The following MPPED1 variants were observed in gnomAD, a reference collection of about 807,000 sequenced individuals.
MPPED1 encodes metallophosphoesterase domain-containing protein 1.
Under a neutral mutation model 36.2 loss-of-function variants are expected in MPPED1, and 16 were observed. The ratio of observed to expected loss-of-function variants is 0.44; its 90% confidence interval spans 0.30 to 0.67. The LOEUF (loss-of-function observed/expected upper bound fraction) is 0.67. Among genes scored for constraint, MPPED1 ranks in the 30% least tolerant of loss-of-function variants. The pLI, the probability that MPPED1 is intolerant of heterozygous loss-of-function variation, is 0.10. For synonymous variants in MPPED1, 199 were observed against 191.3 expected (o/e 1.04, Z -0.33); for missense variants, 307 against 453.4 (o/e 0.68, Z 2.93).
chr22:43,447,859 T>TTATATATATATATATATATATATA (rs1238294657), intron 3 of MPPED1, among the ~76,000 whole-genome samples: 13 of 62,504 alleles, frequency 2.1e-4, no homozygotes, highest in Non-Finnish European at 2.2e-4. Flanking sequence ...TATGTAAATA[T>TTATATATATATATATATATATATA]TATATATATA....
intron 3 of MPPED1, among the ~76,000 whole-genome samples, chr22:43,469,912 A>G (rs1216243052): frequency 1.3e-5 from 2 of 152,118 alleles, no homozygotes; most frequent in Non-Finnish European, 2.9e-5. Context: ...CCGTCCATCC[A>G]TCTATATATG....
At chr22:43,431,744 T>TGGAG (rs2146827959) in intron 2 of MPPED1, among the ~76,000 whole-genome samples, 1 of 152,356 alleles carries the variant, frequency 6.6e-6, no homozygotes, top group South Asian at 2.1e-4. Flanking sequence ...GCCCAGCACA[T>TGGAG]AATGAGCTCT....
intron 6 of MPPED1, among the ~76,000 whole-genome samples, chr22:43,504,125 A>G (rs1276107717): frequency 2.7e-5 from 4 of 146,024 alleles, no homozygotes; most frequent in Non-Finnish European, 6.1e-5. Flanking sequence ...GGTAGTGATG[A>G]TGGTGATAGT....
At chr22:43,488,355 C>G (rs1411393105) in intron 4 of MPPED1, among the ~76,000 whole-genome samples, 1 of 152,200 alleles carries the variant, frequency 6.6e-6, no homozygotes, top group Non-Finnish European at 1.5e-5. Flanking sequence ...CAGCTGTGTA[C>G]CCTACCTGGG....
chr22:43,436,242 C>T (rs1929954598), intron 3 of MPPED1, among the ~76,000 whole-genome samples: 1 of 152,250 alleles, frequency 6.6e-6, no homozygotes, highest in South Asian at 2.1e-4. Context: ...CCTGTGCAGC[C>T]CAGCACCCAG....
At chr22:43,453,326 C>CA (rs913939457) in intron 3 of MPPED1, among the ~76,000 whole-genome samples, 63 of 133,944 alleles carry the variant, frequency 4.7e-4, no homozygotes, top group African/African-American at 1.5e-3. Context: ...CCCGCACCAC[C>CA]CCCCCTGCCC....
chr22:43,469,488 T>C (rs1189503272), intron 3 of MPPED1, among the ~76,000 whole-genome samples: 1 of 152,262 alleles, frequency 6.6e-6, no homozygotes, highest in Non-Finnish European at 1.5e-5. Context: ...TGCAGGGCGA[T>C]GGGAACACTG....
intron 2 of MPPED1, among the ~76,000 whole-genome samples, chr22:43,427,865 C>A (rs554515039): frequency 2.0e-5 from 3 of 152,132 alleles, no homozygotes; most frequent in Non-Finnish European, 4.4e-5. Flanking sequence ...GTCCTCACCC[C>A]CCGTGACACT....
intron 1 of MPPED1, chr22:43,418,034 G>A: frequency 2.2e-6 from 1 of 456,178 alleles, no homozygotes. Flanking sequence ...TGTCATCCGA[G>A]TTTTGGACCC....
intron 3 of MPPED1, among the ~76,000 whole-genome samples, chr22:43,453,038 C>T (rs1465018944): frequency 1.3e-5 from 2 of 151,568 alleles, no homozygotes; most frequent in East Asian, 1.9e-4. Context: ...CAAGCTCCGC[C>T]TCCTGGGTTC....
At chr22:43,431,068 G>T (rs1929668469) in intron 2 of MPPED1, among the ~76,000 whole-genome samples, 1 of 101,632 alleles carries the variant, frequency 9.8e-6, no homozygotes, top group Non-Finnish European at 1.8e-5. Context: ...TTTAGACAGA[G>T]TCTCACTCTG....
chr22:43,485,456 G>A (rs28547081), intron 4 of MPPED1, among the ~76,000 whole-genome samples: 75,632 of 151,538 alleles, frequency 0.5, 19,022 homozygotes, highest in Admixed American at 0.54. Context: ...ACAGTCACAA[G>A]TACACACATA....
chr22:43,499,654 T>G (rs1932572268), intron 5 of MPPED1, among the ~76,000 whole-genome samples: 1 of 89,150 alleles, frequency 1.1e-5, no homozygotes, highest in Non-Finnish European at 2.1e-5. Context: ...GTGGTGGTGA[T>G]GGGGGTGGCG....
intron 4 of MPPED1, among the ~76,000 whole-genome samples, chr22:43,476,014 G>A (rs1931565194): frequency 6.6e-6 from 1 of 151,910 alleles, no homozygotes; most frequent in Non-Finnish European, 1.5e-5. Context: ...TGGTGGTGGT[G>A]GTGGTGTGAT....
At chr22:43,493,705 A>G (rs970367949) in intron 4 of MPPED1, among the ~76,000 whole-genome samples, 2 of 152,200 alleles carry the variant, frequency 1.3e-5, no homozygotes, top group Non-Finnish European at 2.9e-5. Flanking sequence ...GCCTGGCAGA[A>G]CAGTAGGTGC....
At position 43,506,738 on chromosome 22, in the gene MPPED1, G is replaced by C. The variant is rs1932823718; in HGVS notation, c.*1122G>C. 1 of 152,230 alleles carries C rather than the reference G, an allele frequency of 6.6e-6. No homozygotes were observed. Among genetic ancestry groups the C allele is most frequent in the African/African-American group, 2.4e-5 (1 of 41,446 alleles). 9.4% of individuals were successfully genotyped at this position (152,230 alleles called of 1,614,324 possible). A position where few individuals can be genotyped will look rare whatever the true frequency, so the allele number is the denominator to read the frequency against. ...CTTTTTCTTCTTTGAATTAGGACTG[G>C]AGGGGGTGGGGCCAGGGCGGTGGTG... On this transcript the variant is annotated 3_prime_UTR_variant, in exon 7 of 7. Transcript: ENST00000443721.
intron 1 of MPPED1, chr22:43,418,030 C>A (rs1369488694): frequency 4.4e-6 from 2 of 455,904 alleles, no homozygotes; most frequent in Non-Finnish European, 8.8e-6. Flanking sequence ...TGACTGTCAT[C>A]CGAGTTTTGG....
intron 2 of MPPED1, among the ~76,000 whole-genome samples, chr22:43,433,881 T>C (rs1282424391): frequency 2.0e-5 from 3 of 152,236 alleles, no homozygotes; most frequent in Admixed American, 1.3e-4. Flanking sequence ...GCATACTCAT[T>C]TGGAGAGAGC....
intron 2 of MPPED1, among the ~76,000 whole-genome samples, chr22:43,428,144 C>A (rs1601949824): frequency 6.6e-6 from 1 of 152,114 alleles, no homozygotes; most frequent in Admixed American, 6.5e-5. Context: ...GTCATGAAAG[C>A]GTGTGATGCT....
Sources: gnomAD v4.1 joint callset for allele counts (sites outside exome capture counted in the v4.1 genomes callset) on GRCh38, gnomAD v4.1.1 for gene constraint, MANE v1.5 for transcripts, NCBI Gene and HGNC (gene_info 2026-07-23, HGNC 2026-07-21) for gene names.